Variants in KLHL1 observed in about 807,000 individuals in gnomAD.
The protein encoded by KLHL1 is kelch-like protein 1.
A neutral mutation model predicts 77.7 loss-of-function variants in KLHL1; 47 were observed. The observed-to-expected ratio is 0.60, with a 90% CI of 0.48 to 0.77. The LOEUF (loss-of-function observed/expected upper bound fraction) is 0.77, where lower values mean the gene tolerates loss of function less well. KLHL1 is among the 30% of genes least tolerant of loss of function. KLHL1 has a pLI of 0.00. For synonymous variants in KLHL1, 360 were observed against 325.2 expected (o/e 1.11, Z -1.15); for missense variants, 925 against 910.8 (o/e 1.02, Z -0.20).
chr13:69,996,839 T>A (rs149619710), intron 1 of KLHL1, among the ~76,000 whole-genome samples: 1,644 of 151,344 alleles, frequency 0.011, 33 homozygotes, highest in African/African-American at 0.037. Flanking sequence ...ATGACATTGG[T>A]GAAAGTAAGT....
chr13:69,924,645 C>T (rs1249036795), intron 4 of KLHL1, among the ~76,000 whole-genome samples: 2 of 152,194 alleles, frequency 1.3e-5, no homozygotes, highest in East Asian at 1.9e-4. Context: ...TCAGGACCCA[C>T]CAAATGGTGG....
intron 1 of KLHL1, among the ~76,000 whole-genome samples, chr13:70,103,983 C>T (rs367792706): frequency 3.9e-5 from 6 of 152,092 alleles, no homozygotes; most frequent in African/African-American, 1.4e-4. Context: ...AATGACTGCA[C>T]TCTGTAAGAA....
chr13:69,776,009 A>G (rs1425413676), intron 7 of KLHL1, among the ~76,000 whole-genome samples: 1 of 149,064 alleles, frequency 6.7e-6, no homozygotes, highest in African/African-American at 2.5e-5. Context: ...AAAAAAAACT[A>G]GCTTGGCGTG....
At chr13:69,730,831 C>T (rs538226287) in intron 8 of KLHL1, among the ~76,000 whole-genome samples, 1 of 152,092 alleles carries the variant, frequency 6.6e-6, no homozygotes, top group Non-Finnish European at 1.5e-5. Flanking sequence ...CCTCTCACCT[C>T]GGCCTCCCAA....
In KLHL1 at chr13:69,740,383, A is replaced by C. The variant is rs1873935309; in HGVS notation, c.1802+11T>G. 2 of 1,523,572 alleles carry C rather than the reference A, an allele frequency of 1.3e-6. No individual in the cohort carries two copies. The highest frequency in any genetic ancestry group is 1.4e-5 in the African/African-American group (1 of 72,376). 94.4% of individuals were successfully genotyped at this position (1,523,572 alleles called of 1,614,324 possible). A position where few individuals can be genotyped will look rare whatever the true frequency, so the allele number is the denominator to read the frequency against. On this transcript the variant is annotated intron_variant, in intron 8 of 10. Transcript: ENST00000377844. ...TTCTAAGATTAAAAAATAAGAAAAA[A>C]ATTTACTTACTTGCCATTCAATGCT...
intron 4 of KLHL1, among the ~76,000 whole-genome samples, chr13:69,911,346 A>G (rs894371703): frequency 1.7e-4 from 26 of 152,004 alleles, no homozygotes; most frequent in South Asian, 8.3e-4. Flanking sequence ...TTTTAAATCA[A>G]AGAGTGACAT....
At chr13:69,804,181 C>T (rs1877513127) in intron 6 of KLHL1, among the ~76,000 whole-genome samples, 1 of 152,006 alleles carries the variant, frequency 6.6e-6, no homozygotes, top group African/African-American at 2.4e-5. Flanking sequence ...TTCCTCATGA[C>T]AAAACGAACG....
chr13:70,057,648 C>A, intron 1 of KLHL1, among the ~76,000 whole-genome samples: 1 of 149,644 alleles, frequency 6.7e-6, no homozygotes, highest in African/African-American at 2.4e-5. Flanking sequence ...CGGTGGCGGG[C>A]GCCTGTAGTC....
intron 4 of KLHL1, among the ~76,000 whole-genome samples, chr13:69,885,672 C>G (rs1881189169): frequency 6.6e-6 from 1 of 152,132 alleles, no homozygotes; most frequent in Non-Finnish European, 1.5e-5. Context: ...AACAAGAGGC[C>G]TGTATGCCTT....
chr13:69,979,169 A>C (rs1009065821), intron 1 of KLHL1, among the ~76,000 whole-genome samples: 1 of 91,926 alleles, frequency 1.1e-5, no homozygotes, highest in Non-Finnish European at 2.3e-5. Flanking sequence ...TAAGAGGCTC[A>C]AAAAAAAAAT....
intron 1 of KLHL1, among the ~76,000 whole-genome samples, chr13:69,982,415 G>A (rs531547120): frequency 2.9e-4 from 43 of 147,156 alleles, no homozygotes; most frequent in South Asian, 2.6e-3. Context: ...CAGCCTGGGC[G>A]ACAGAGCAAG....
intron 7 of KLHL1, among the ~76,000 whole-genome samples, chr13:69,787,130 GA>G (rs1876596569): frequency 1.3e-5 from 2 of 152,094 alleles, no homozygotes; most frequent in Non-Finnish European, 2.9e-5. Context: ...AGCTACCAGT[GA>G]CTTTCTTCAC....
intron 3 of KLHL1, among the ~76,000 whole-genome samples, chr13:69,953,937 T>G (rs1259429913): frequency 1.3e-5 from 2 of 151,278 alleles, no homozygotes; most frequent in African/African-American, 2.4e-5. Context: ...AACTTTATGC[T>G]AAACTAGCTT....
At chr13:69,869,960 C>T (rs1004764014) in intron 5 of KLHL1, among the ~76,000 whole-genome samples, 15 of 152,000 alleles carry the variant, frequency 9.9e-5, no homozygotes, top group Non-Finnish European at 1.2e-4. Context: ...ATTTATTTGT[C>T]GAGCAAAAAG....
At chr13:69,949,106 ATCT>A (rs1883622751) in intron 3 of KLHL1, among the ~76,000 whole-genome samples, 1 of 151,944 alleles carries the variant, frequency 6.6e-6, no homozygotes, top group South Asian at 2.1e-4. Flanking sequence ...CATTATTAAC[ATCT>A]TACATTCGTA....
chr13:69,727,848 GCT>G (rs1449802492), intron 8 of KLHL1, among the ~76,000 whole-genome samples: 1 of 150,808 alleles, frequency 6.6e-6, no homozygotes, highest in Non-Finnish European at 1.5e-5. Context: ...ACACATCACT[GCT>G]CTTTTTTTTT....
At chr13:69,788,343 G>C (rs1381277789) in intron 7 of KLHL1, among the ~76,000 whole-genome samples, 1 of 152,102 alleles carries the variant, frequency 6.6e-6, no homozygotes, top group Admixed American at 6.6e-5. Flanking sequence ...AAAAAATAAA[G>C]AGTTCACGTC....
chr13:69,935,218 T>G (rs9741030), intron 4 of KLHL1, among the ~76,000 whole-genome samples: 12 of 147,528 alleles, frequency 8.1e-5, no homozygotes, highest in Admixed American at 2.0e-4. Context: ...ACTGGTGAAC[T>G]TGGTACATAG....
rs147523527 is a variant in KLHL1, at chr13:69,829,105, C to A, written c.1414+9871G>T. ...GCTGATGCTCTCTTGAAAGTTCCAC[C>A]TCCTGGCTGGAGGCCAAGAAACTGC... On this transcript the variant is annotated intron_variant, in intron 6 of 10. Transcript: ENST00000377844. Among the ~76,000 whole-genome samples, 60 of 150,674 alleles carry A rather than the reference C, an allele frequency of 4.0e-4. 2 individuals carry two copies. The highest frequency in any genetic ancestry group is 1.1e-3 in the Admixed American group (16 of 15,136).
Sources: allele counts gnomAD v4.1 joint callset (sites outside exome capture counted in the v4.1 genomes callset), GRCh38; gene constraint gnomAD v4.1.1; transcripts MANE v1.5; gene names NCBI Gene and HGNC (gene_info 2026-07-23, HGNC 2026-07-21).